Variants in RBFOX3 observed in about 807,000 individuals in gnomAD.
The protein encoded by RBFOX3 is RNA binding protein fox-1 homolog 3.
A neutral mutation model predicts 48.7 loss-of-function variants in RBFOX3; 17 were observed. The observed-to-expected ratio is 0.35, with a 90% CI of 0.24 to 0.52. RBFOX3 has a LOEUF of 0.52. Ranked by LOEUF, RBFOX3 falls within the 20% of genes least tolerant of loss-of-function variation. RBFOX3 has a pLI of 0.94. For missense variants in RBFOX3, 382 were observed against 497.5 expected (o/e 0.77, Z 2.21); for synonymous variants, 212 against 209.5 (o/e 1.01, Z -0.10).
intron 4 of RBFOX3, among the ~76,000 whole-genome samples, chr17:79,207,479 G>C (rs1005293786): frequency 6.6e-6 from 1 of 152,192 alleles, no homozygotes; most frequent in Non-Finnish European, 1.5e-5. Flanking sequence ...TGTTCCCAGC[G>C]TGGCACCAGG....
the RBFOX3 span, among the ~76,000 whole-genome samples, chr17:79,626,790 G>A: frequency 2.8e-3 from 432 of 152,324 alleles, 1 homozygote; most frequent in African/African-American, 9.6e-3. Flanking sequence ...CCTTAGGATG[G>A]GGAGTCCCGA....
At chr17:79,197,180 C>T (rs985575863) in intron 4 of RBFOX3, among the ~76,000 whole-genome samples, 3 of 86,182 alleles carry the variant, frequency 3.5e-5, no homozygotes, top group African/African-American at 5.2e-5. Flanking sequence ...AAGCCAGGTG[C>T]AGACATAAGA....
chr17:79,645,363 C>T, the RBFOX3 span, among the ~76,000 whole-genome samples: 4 of 152,034 alleles, frequency 2.6e-5, no homozygotes, highest in Non-Finnish European at 5.9e-5. Context: ...CCTCTTTATG[C>T]GCCACCAAAT....
At chr17:79,181,667 G>C (rs1160538921) in intron 4 of RBFOX3, among the ~76,000 whole-genome samples, 1 of 126,648 alleles carries the variant, frequency 7.9e-6, no homozygotes, top group African/African-American at 3.2e-5. Flanking sequence ...TGCCACTGCT[G>C]GCCACCCTCT....
At chr17:79,422,593 G>A (rs1429188031) in intron 2 of RBFOX3, among the ~76,000 whole-genome samples, 1 of 152,258 alleles carries the variant, frequency 6.6e-6, no homozygotes, top group Non-Finnish European at 1.5e-5. Flanking sequence ...CCAGGGTCCA[G>A]CAGCCTCAGG....
chr17:79,271,921 C>T lies in RBFOX3; in HGVS notation c.-74+35803G>A, dbSNP rs1392524924. On this transcript the variant is annotated intron_variant, in intron 3 of 14. Coordinates refer to ENST00000693108, the MANE Select transcript of RBFOX3 (RefSeq NM_001350451.2). The stretch of plus-strand genomic sequence containing the variant: ...CAGCCAGTGACCGCAAGAACAGAAT[C>T]CACACCAGCAGCCGGCCACAGAGGG... Among the ~76,000 whole-genome samples the T allele has an allele frequency of 3.3e-5, 5 of 152,370 alleles. No individual in the cohort carries two copies. The East Asian group carries it at 9.7e-4, about 29-fold the overall frequency.
At chr17:79,600,505 C>T (rs2093681859) in intron 1 of RBFOX3, 1 of 152,350 alleles carries the variant, frequency 6.6e-6, no homozygotes, top group Non-Finnish European at 1.5e-5. Flanking sequence ...TGCCAGATAC[C>T]ATGGAGACAA....
At chr17:79,474,493 C>T (rs1263798413) in intron 2 of RBFOX3, among the ~76,000 whole-genome samples, 3 of 152,164 alleles carry the variant, frequency 2.0e-5, no homozygotes, top group Non-Finnish European at 4.4e-5. Context: ...GAAGACACAG[C>T]CCTTATCGCT....
chr17:79,560,883 G>T (rs947072559), intron 1 of RBFOX3, among the ~76,000 whole-genome samples: 13 of 152,192 alleles, frequency 8.5e-5, no homozygotes, highest in African/African-American at 3.1e-4. Flanking sequence ...AAGGATGCTT[G>T]GTCCCATTTC....
rs996855547 is a variant in RBFOX3, at chr17:79,443,635, G to A, written c.-175+38819C>T. 1.3e-5 allele frequency among the ~76,000 whole-genome samples: 2 copies of A among 152,202 alleles called. No homozygotes were observed. The highest frequency in any genetic ancestry group is 2.1e-4 in the South Asian group (1 of 4,824). On this transcript the variant is annotated intron_variant, in intron 2 of 14. Transcript: ENST00000693108. This position sits in a 1 kb window ranked among gnomAD's most constrained non-coding sequence, Gnocchi z 4.4. ...TGACCTCAGGTGATCCACCCGCCTC[G>A]GCCTCCCAAAGTGCTGGGATTACAG... is the stretch of plus-strand genomic sequence containing the variant.
intron 4 of RBFOX3, among the ~76,000 whole-genome samples, chr17:79,165,670 G>T (rs186139450): frequency 6.6e-6 from 1 of 152,328 alleles, no homozygotes; most frequent in Non-Finnish European, 1.5e-5. Flanking sequence ...CCTTTCGCAG[G>T]TGCCTCAGAC....
At chr17:79,644,383 T>A in the RBFOX3 span, among the ~76,000 whole-genome samples, 4 of 152,138 alleles carry the variant, frequency 2.6e-5, no homozygotes, top group Admixed American at 6.5e-5. Flanking sequence ...AAGCACAGAC[T>A]GACATAACTC....
chr17:79,291,352 C>A (rs79823182), intron 3 of RBFOX3, among the ~76,000 whole-genome samples: 4,680 of 152,308 alleles, frequency 0.031, 136 homozygotes, highest in African/African-American at 0.077. Context: ...GTAGCTCCAT[C>A]AGCTAGGTTA....
chr17:79,593,808 C>G (rs2093490692), intron 1 of RBFOX3, among the ~76,000 whole-genome samples: 1 of 152,166 alleles, frequency 6.6e-6, no homozygotes. Flanking sequence ...TCTGCAGCGG[C>G]CCAACGTCTG....
intron 2 of RBFOX3, among the ~76,000 whole-genome samples, chr17:79,365,104 T>A (rs1396115385): frequency 4.6e-5 from 7 of 151,610 alleles, no homozygotes; most frequent in African/African-American, 1.5e-4. Flanking sequence ...CCCTCAACAC[T>A]TTAGTTTCTG....
chr17:79,587,247 T>C (rs896475439), intron 1 of RBFOX3, among the ~76,000 whole-genome samples: 12 of 152,186 alleles, frequency 7.9e-5, no homozygotes, highest in Non-Finnish European at 1.6e-4. Context: ...ACGAGAGCCC[T>C]TTTCCACACT....
At chr17:79,305,579 C>T (rs912059179) in intron 3 of RBFOX3, among the ~76,000 whole-genome samples, 3 of 152,142 alleles carry the variant, frequency 2.0e-5, no homozygotes, top group Non-Finnish European at 4.4e-5. Flanking sequence ...AGCCCCTGAA[C>T]AGGGGAGAAA....
intron 14 of RBFOX3, chr17:79,092,119 T>C: frequency 3.0e-6 from 3 of 985,468 alleles, no homozygotes; most frequent in South Asian, 4.7e-5. Flanking sequence ...TGCTGGACAC[T>C]AGGGCCATGG....
At chr17:79,378,682 C>G (rs1478383025) in intron 2 of RBFOX3, among the ~76,000 whole-genome samples, 5 of 152,214 alleles carry the variant, frequency 3.3e-5, no homozygotes, top group Non-Finnish European at 5.9e-5. Context: ...GTCCCCCAGC[C>G]TCACCTGGGA....
Sources: allele counts gnomAD v4.1 joint callset (sites outside exome capture counted in the v4.1 genomes callset), GRCh38; gene constraint gnomAD v4.1.1; non-coding constraint Gnocchi (gnomAD v3.1); transcripts MANE v1.5; gene names NCBI Gene and HGNC (gene_info 2026-07-23, HGNC 2026-07-21).